Variants in SLC9C1 observed in about 807,000 individuals in gnomAD.
SLC9C1 encodes the protein sodium/hydrogen exchanger 10.
Under a neutral mutation model 140.9 loss-of-function variants are expected in SLC9C1, and 97 were observed. The observed-to-expected ratio is 0.69, with a 90% CI of 0.58 to 0.82. SLC9C1 has a LOEUF of 0.82. Among genes scored for constraint, SLC9C1 ranks in the 40% least tolerant of loss-of-function variants. SLC9C1 has a pLI of 0.00. For synonymous variants in SLC9C1, 440 were observed against 442.6 expected, an observed-to-expected ratio of 0.99 and a Z score of 0.07; for missense variants, 1,340 against 1,389.3, an observed-to-expected ratio of 0.96 and a Z score of 0.56.
In SLC9C1 at chr3:112,180,616, T is replaced by G; in HGVS notation, c.2696A>C (p.Glu899Ala). ...VTFDCGNDIF[E>A]EGDEPKGIYI... ...GATTCCTTTGGGCTCATCACCTTCT[T>G]CAAATATATCATTTCCACAATCAAA... Residue 899 changes from glutamate to alanine, a missense_variant, in exon 22 of 29, where the codon GAA (glutamate) becomes GCA (alanine). Coordinates refer to ENST00000305815, the MANE Select transcript of SLC9C1 (RefSeq NM_183061.3). 1 of 1,613,618 alleles carries G rather than the reference T, an allele frequency of 6.2e-7. No homozygotes were observed. The highest frequency in any genetic ancestry group is 8.5e-7 in the Non-Finnish European group (1 of 1,179,818).
intron 26 of SLC9C1, among the ~76,000 whole-genome samples, chr3:112,156,575 A>C (rs992426515): frequency 6.6e-6 from 1 of 151,904 alleles, no homozygotes; most frequent in African/African-American, 2.4e-5. Flanking sequence ...TTCTCGTTTT[A>C]GTTTATTTTT....
intron 16 of SLC9C1, among the ~76,000 whole-genome samples, chr3:112,206,836 C>T (rs560985012): frequency 8.1e-6 from 1 of 123,872 alleles, no homozygotes; most frequent in Non-Finnish European, 1.7e-5. Context: ...CACACCGGAT[C>T]CTGTCGTGGG....
chr3:112,165,927 T>A (rs567285042), intron 26 of SLC9C1, among the ~76,000 whole-genome samples: 13 of 152,316 alleles, frequency 8.5e-5, no homozygotes, highest in African/African-American at 2.6e-4. Context: ...CCCAGTTCGA[T>A]CTTCCTGGCC....
chr3:112,220,067 G>T lies in SLC9C1; in HGVS notation c.1670+1061C>A, dbSNP rs142434804. 5.7e-4 allele frequency among the ~76,000 whole-genome samples: 87 copies of T among 152,226 alleles called. 1 individual carries two copies. The East Asian group carries it at 0.014, about 25-fold the overall frequency. ...TACTAGGTCACCTAAAGCATTGGAA[G>T]TGCCTGGATCAAAAGGACAAACAGA... On this transcript the variant is annotated intron_variant, in intron 14 of 28. Transcript: ENST00000305815.
intron 20 of SLC9C1, among the ~76,000 whole-genome samples, chr3:112,195,921 A>C (rs947048816): frequency 2.0e-5 from 3 of 152,142 alleles, no homozygotes; most frequent in Admixed American, 2.0e-4. Flanking sequence ...AGAAAACAAA[A>C]AGTGGAGTTA....
chr3:112,172,493 C>T (rs1378680918), intron 23 of SLC9C1, among the ~76,000 whole-genome samples: 1 of 152,028 alleles, frequency 6.6e-6, no homozygotes, highest in Admixed American at 6.6e-5. Flanking sequence ...TGCCATCTTG[C>T]AGAGACAATT....
chr3:112,191,366 C>T (rs567592431), intron 20 of SLC9C1, among the ~76,000 whole-genome samples: 2 of 152,242 alleles, frequency 1.3e-5, no homozygotes, highest in South Asian at 4.1e-4. Flanking sequence ...GATACATTCT[C>T]TCTATGCCTA....
intron 25 of SLC9C1, among the ~76,000 whole-genome samples, chr3:112,168,371 TCTTTC>T (rs1449590235): frequency 1.4e-5 from 2 of 146,230 alleles, no homozygotes; most frequent in Non-Finnish European, 3.0e-5. Flanking sequence ...ACACACAACT[TCTTTC>T]CTTCTTTACA....
At chr3:112,271,877 A>G (rs373155503) in intron 6 of SLC9C1, among the ~76,000 whole-genome samples, 5 of 152,156 alleles carry the variant, frequency 3.3e-5, no homozygotes, top group African/African-American at 1.2e-4. Context: ...CTGATAAACA[A>G]TGTTGCAATG....
intron 19 of SLC9C1, among the ~76,000 whole-genome samples, chr3:112,200,096 G>A (rs1405321437): frequency 1.3e-5 from 2 of 152,020 alleles, no homozygotes; most frequent in African/African-American, 4.8e-5. Flanking sequence ...GGTTTGCTGT[G>A]TCCTTTTGTA....
chr3:112,154,717 C>T (rs551250717), intron 27 of SLC9C1, among the ~76,000 whole-genome samples: 3 of 152,242 alleles, frequency 2.0e-5, no homozygotes, highest in East Asian at 1.9e-4. Flanking sequence ...GTGCTACAAC[C>T]GTAGCCATCC....
intron 20 of SLC9C1, among the ~76,000 whole-genome samples, chr3:112,189,572 G>T (rs909411104): frequency 6.6e-6 from 1 of 152,096 alleles, no homozygotes; most frequent in Non-Finnish European, 1.5e-5. Flanking sequence ...GGCCTCTGTT[G>T]TTCTGTTCCA....
intron 23 of SLC9C1, among the ~76,000 whole-genome samples, chr3:112,172,616 G>A (rs915498299): frequency 6.6e-6 from 1 of 151,970 alleles, no homozygotes; most frequent in Non-Finnish European, 1.5e-5. Flanking sequence ...GGACATTCTT[G>A]TCTTGCTCTC....
intron 23 of SLC9C1, among the ~76,000 whole-genome samples, chr3:112,169,987 C>A (rs2077216022): frequency 6.6e-6 from 1 of 151,894 alleles, no homozygotes; most frequent in African/African-American, 2.4e-5. Flanking sequence ...TAAAAAAAAT[C>A]AACTCAACAT....
Position 112,199,439 on chromosome 3 carries a change from G to A in SLC9C1, c.2405C>T (p.Ala802Val). 1.3e-6 allele frequency: 2 copies of A among 1,592,228 alleles called. No homozygotes were observed. The highest frequency in any genetic ancestry group is 1.7e-5 in the Admixed American group (1 of 57,232). Residue 802 changes from alanine to valine, a missense_variant, in exon 20 of 29, where the codon GCT (alanine) becomes GTT (valine). Ala to Val is a moderately conservative substitution (Grantham distance 64, BLOSUM62 0). Coordinates refer to ENST00000305815, the MANE Select transcript of SLC9C1 (RefSeq NM_183061.3). Reference sequence around the variant, plus strand: ...TTCTTCCTTTGTTTTCACAGTGACAGCAATTTCTGGGTGATCATACTCTAA... The same window carrying A: ...TTCTTCCTTTGTTTTCACAGTGACAACAATTTCTGGGTGATCATACTCTAA... ...GYLEYDHPEI[A>V]VTVKTKEEIN... is the part of the protein sequence containing the mutation.
intron 15 of SLC9C1, among the ~76,000 whole-genome samples, chr3:112,214,358 C>A (rs1486425661): frequency 6.6e-6 from 1 of 152,052 alleles, no homozygotes; most frequent in Non-Finnish European, 1.5e-5. Context: ...TAACTAAGAT[C>A]AGAGCAGAAC....
intron 28 of SLC9C1, among the ~76,000 whole-genome samples, chr3:112,145,589 CTTTTTTTTT>C (rs61547345): frequency 3.5e-5 from 1 of 28,244 alleles, no homozygotes; most frequent in Non-Finnish European, 6.1e-5. Context: ...CTGCCCTTGG[CTTTTTTTTT>C]TTTTTTTTTT....
At chr3:112,257,220 A>T (rs1323587781) in intron 10 of SLC9C1, among the ~76,000 whole-genome samples, 3 of 152,202 alleles carry the variant, frequency 2.0e-5, no homozygotes, top group Admixed American at 2.0e-4. Flanking sequence ...GTATGGAACC[A>T]AAAAGAGCCC....
chr3:112,213,571 AAC>A (rs1398089789), intron 15 of SLC9C1, among the ~76,000 whole-genome samples: 1 of 152,222 alleles, frequency 6.6e-6, no homozygotes, highest in Non-Finnish European at 1.5e-5. Context: ...TCTCTGATAA[AAC>A]AGACTTTAAA....
Sources: allele counts gnomAD v4.1 joint callset (sites outside exome capture counted in the v4.1 genomes callset), GRCh38; gene constraint gnomAD v4.1.1; transcripts MANE v1.5; gene names NCBI Gene and HGNC (gene_info 2026-07-23, HGNC 2026-07-21).